The following DMD variants were observed in gnomAD, a reference collection of about 807,000 sequenced individuals.
The protein encoded by DMD is dystrophin, also known as mutant dystrophin.
A neutral mutation model predicts 330.1 loss-of-function variants in DMD; 63 were observed. The ratio of observed to expected loss-of-function variants is 0.19; its 90% CI spans 0.16 to 0.24. The LOEUF (loss-of-function observed/expected upper bound fraction) is 0.24, where lower values mean the gene tolerates loss of function less well. DMD is among the 10% of genes least tolerant of loss of function. The pLI is 1.00. For missense variants in DMD, 3,344 were observed against 2,684.1 expected (o/e 1.25, Z -5.43); for synonymous variants, 1,223 against 959.8 (o/e 1.27, Z -5.07).
intron 13 of DMD, among the ~76,000 whole-genome samples, chrX:32,587,665 C>T (rs1169465836): frequency 9.0e-6 from 1 of 110,660 alleles, no homozygotes; most frequent in East Asian, 2.8e-4. Context: ...AGTCTAACTT[C>T]CCACTCAGTA....
intron 2 of DMD, among the ~76,000 whole-genome samples, chrX:32,860,579 AT>A (rs11427173): frequency 1.9e-4 from 21 of 107,788 alleles, no homozygotes; most frequent in South Asian, 1.2e-3. Context: ...TTCCGAGTTG[AT>A]TTTTTTTTTG....
At chrX:32,643,855 G>C (rs2059623909) in intron 11 of DMD, among the ~76,000 whole-genome samples, 1 of 111,607 alleles carries the variant, frequency 9.0e-6, no homozygotes, top group South Asian at 3.7e-4. Flanking sequence ...AATGTTTGGA[G>C]GAAAACCTAG....
chrX:32,780,828 A>T (rs976602649), intron 7 of DMD, among the ~76,000 whole-genome samples: 56 of 110,707 alleles, frequency 5.1e-4, no homozygotes, highest in African/African-American at 1.6e-3. Context: ...GTTGTACATT[A>T]AAAAACAGGC....
chrX:32,252,735 T>TATATATAAATATATAA (rs1569553634), intron 43 of DMD, among the ~76,000 whole-genome samples: 29 of 27,088 alleles, frequency 1.1e-3, no homozygotes, highest in Admixed American at 1.0e-2. Flanking sequence ...AATATATAAA[T>TATATATAAATATATAA]ATATATATAA....
chrX:31,845,627 A>G (rs765883364), intron 48 of DMD, among the ~76,000 whole-genome samples: 1 of 110,671 alleles, frequency 9.0e-6, no homozygotes, highest in Non-Finnish European at 1.9e-5. Context: ...GTACTTATTG[A>G]ACAAACAGGA....
chrX:32,823,665 T>C (rs2078463621), intron 4 of DMD, among the ~76,000 whole-genome samples: 1 of 111,745 alleles, frequency 8.9e-6, no homozygotes, highest in African/African-American at 3.3e-5. Context: ...TGTCATAAAG[T>C]ATGTTTAAAA....
intron 1 of DMD, among the ~76,000 whole-genome samples, chrX:33,196,449 C>T (rs1187933152): frequency 9.0e-6 from 1 of 110,891 alleles, no homozygotes; most frequent in Non-Finnish European, 1.9e-5. Flanking sequence ...AGAAACTCAA[C>T]GGGGGCAGCA....
chrX:31,361,200 T>C (rs968155585), intron 60 of DMD, among the ~76,000 whole-genome samples: 6 of 111,761 alleles, frequency 5.4e-5, no homozygotes, highest in Non-Finnish European at 7.5e-5. Flanking sequence ...CTTCCCTTTT[T>C]TATAGTAAAT....
At chrX:31,741,919 T>G (rs2087378375) in intron 51 of DMD, among the ~76,000 whole-genome samples, 1 of 111,968 alleles carries the variant, frequency 8.9e-6, no homozygotes, top group Non-Finnish European at 1.9e-5. Context: ...CTTTATTAAC[T>G]TAGATGTTAG....
intron 2 of DMD, among the ~76,000 whole-genome samples, chrX:32,983,599 A>G (rs1339991534): frequency 9.2e-6 from 1 of 108,273 alleles, no homozygotes; most frequent in Admixed American, 1.0e-4. Flanking sequence ...AGAGAAACTG[A>G]ATAAAATTGC....
At chrX:32,458,000 A>G (rs1175048994) in intron 25 of DMD, among the ~76,000 whole-genome samples, 3 of 111,256 alleles carry the variant, frequency 2.7e-5, no homozygotes, top group African/African-American at 9.8e-5. Context: ...ATGTACAGTG[A>G]TTAATCTAGG....
chrX:33,176,662 G>T (rs1015788521), intron 1 of DMD, among the ~76,000 whole-genome samples: 2 of 110,618 alleles, frequency 1.8e-5, no homozygotes, highest in Non-Finnish European at 3.8e-5. Context: ...TAGGCCAGGC[G>T]CAGTGGCTCA....
intron 16 of DMD, among the ~76,000 whole-genome samples, chrX:32,547,786 A>T (rs749308569): frequency 1.8e-5 from 2 of 111,454 alleles, no homozygotes; most frequent in South Asian, 7.5e-4. Context: ...CTACTCCCTG[A>T]AACAGAAAGC....
intron 67 of DMD, 127 bp downstream of exon 67, chrX:31,203,834 A>T: frequency 1.7e-6 from 1 of 585,659 alleles, no homozygotes; most frequent in Non-Finnish European, 2.8e-6. Flanking sequence ...GAGGTTCCAA[A>T]TATCCCAAAT....
rs749572753 is a variant in DMD at position 31,617,534 on chromosome X, C to CAAAA, written c.8217+10135_8217+10138dup. 8.4e-4 allele frequency among the ~76,000 whole-genome samples: 27 copies of CAAAA among 32,041 alleles called. 1 individual carries two copies. The highest frequency in any genetic ancestry group is 2.4e-3 in the African/African-American group (22 of 9,182). The allele number at this position is 32,041 out of a possible 115,157, so 27.8% of individuals were successfully genotyped here. On this transcript the variant is annotated intron_variant, in intron 55 of 78. Transcript: ENST00000357033. The stretch of plus-strand genomic sequence containing the variant: ...GGGGGACAAGAGCGAGACTTCGTCT[C>CAAAA]AAAAAAAAAAAAAAAAAAAAAAAAA...
intron 59 of DMD, among the ~76,000 whole-genome samples, chrX:31,471,100 G>A (rs1413173080): frequency 2.7e-5 from 3 of 111,472 alleles, no homozygotes; most frequent in Non-Finnish European, 3.8e-5. Flanking sequence ...TTGGGGGTGG[G>A]ATCCACTGAG....
intron 30 of DMD, 107 bp downstream of exon 30, chrX:32,411,645 C>A: frequency 3.2e-6 from 3 of 951,807 alleles, no homozygotes; most frequent in Non-Finnish European, 4.5e-6. Context: ...TGAATCAAAA[C>A]AACCCCATGG....
chrX:33,053,419 C>T (rs188865028), intron 1 of DMD, among the ~76,000 whole-genome samples: 125 of 110,032 alleles, frequency 1.1e-3, no homozygotes, highest in African/African-American at 4.0e-3. Flanking sequence ...TATGGTGAAA[C>T]TCCGTCTCTA....
intron 7 of DMD, among the ~76,000 whole-genome samples, chrX:32,749,252 T>G (rs1215633692): frequency 8.9e-6 from 1 of 112,353 alleles, no homozygotes; most frequent in African/African-American, 3.2e-5. Flanking sequence ...CACTGACACT[T>G]GTGAAATTAT....
Sources: gnomAD v4.1 joint callset for allele counts (sites outside exome capture counted in the v4.1 genomes callset) on GRCh38, gnomAD v4.1.1 for gene constraint, MANE v1.5 for transcripts, NCBI Gene and HGNC (gene_info 2026-07-23, HGNC 2026-07-21) for gene names.